LEMD1: variants seen among roughly 807,000 people sequenced by gnomAD.
LEMD1 encodes the protein LEM domain containing 1.
A neutral mutation model predicts 17.4 loss-of-function variants in LEMD1; 18 were observed. The observed-to-expected ratio is 1.04, with a 90% CI of 0.72 to 1.54. The LOEUF is 1.54. LEMD1 is among the 40% of genes most tolerant of loss of function. The pLI is 0.00. For missense variants in LEMD1, 195 were observed against 210.4 expected (o/e 0.93, Z 0.45); for synonymous variants, 88 against 77.8 (o/e 1.13, Z -0.69).
intron 1 of LEMD1, chr1:205,436,280 TG>T (rs1666203089): frequency 6.6e-6 from 1 of 152,260 alleles, no homozygotes; most frequent in African/African-American, 2.4e-5. Flanking sequence ...TGGGAGCTCT[TG>T]GCTTTGGCAA....
chr1:205,430,271 C>A (rs1204297573), intron 1 of LEMD1, among the ~76,000 whole-genome samples: 1 of 152,192 alleles, frequency 6.6e-6, no homozygotes, highest in Non-Finnish European at 1.5e-5. Flanking sequence ...CCGTAGAAGC[C>A]CCCAGCTCCT....
chr1:205,390,520 G>A (rs570881851), intron 4 of LEMD1, among the ~76,000 whole-genome samples: 82 of 152,186 alleles, frequency 5.4e-4, no homozygotes, highest in African/African-American at 1.8e-3. Context: ...CACTGTCATC[G>A]CTCTACTTCA....
chr1:205,412,002 G>T (rs908179940), intron 4 of LEMD1, among the ~76,000 whole-genome samples: 1 of 152,130 alleles, frequency 6.6e-6, no homozygotes, highest in Non-Finnish European at 1.5e-5. Context: ...CCTTGGAACC[G>T]CTCCCAAACC....
intron 4 of LEMD1, among the ~76,000 whole-genome samples, chr1:205,414,337 C>T (rs1408527270): frequency 6.6e-6 from 1 of 151,376 alleles, no homozygotes; most frequent in African/African-American, 2.4e-5. Context: ...AATCCCAGTG[C>T]TTTGAGAGGC....
intron 1 of LEMD1, among the ~76,000 whole-genome samples, chr1:205,447,190 T>C (rs1666406656): frequency 6.6e-6 from 1 of 152,220 alleles, no homozygotes; most frequent in African/African-American, 2.4e-5. Flanking sequence ...GTTGTGCTCC[T>C]TCCTATCCAT....
chr1:205,404,021 T>G (rs1664975074), intron 4 of LEMD1, among the ~76,000 whole-genome samples: 1 of 152,176 alleles, frequency 6.6e-6, no homozygotes, highest in Non-Finnish European at 1.5e-5. Flanking sequence ...TTTGAGTGGG[T>G]TTCTTAATCC....
chr1:205,419,268 C>G lies in LEMD1; in HGVS notation c.167G>C (p.Arg56Thr). ...ACTGTCCTGCGCTCCATCCAGCTCTCTGGGTCCATTCATCACAGGTGGTGC... is the reference window on the plus strand; with the variant it reads ...ACTGTCCTGCGCTCCATCCAGCTCTGTGGGTCCATTCATCACAGGTGGTGC... ...PCAPPVMNGP[R>T]ELDGAQDSDD... Residue 56 changes from arginine (R) to threonine (T), a missense_variant, in exon 3 of 6, where the codon AGA becomes ACA. By Grantham distance (71) the Arg-to-Thr change is moderately conservative (BLOSUM62 -1). Transcript: ENST00000367153. 1 of 1,614,232 alleles carries G rather than the reference C, an allele frequency of 6.2e-7. No homozygotes were observed. The highest frequency in any genetic ancestry group is 1.1e-5 in the South Asian group (1 of 91,084).
At chr1:205,407,322 C>T (rs6675180) in intron 4 of LEMD1, among the ~76,000 whole-genome samples, 40,321 of 139,550 alleles carry the variant, frequency 0.29, 6,042 homozygotes, top group African/African-American at 0.35. Flanking sequence ...ACAGAAAGAC[C>T]CCATCTCAAA....
In LEMD1 at chr1:205,448,988, G is replaced by A. The variant is rs181571238; in HGVS notation, c.-39+880C>T. 5.5e-4 allele frequency among the ~76,000 whole-genome samples: 83 copies of A among 152,192 alleles called. No individual in the cohort carries two copies. Among genetic ancestry groups the A allele is most frequent in the African/African-American group, 1.7e-3 (71 of 41,518 alleles). On this transcript the variant is annotated intron_variant, in intron 1 of 3. Transcript: ENST00000367154. The surrounding 1 kb of genome is among the most constrained non-coding windows in gnomAD (Gnocchi z 4.7). The stretch of plus-strand genomic sequence containing the variant: ...ACCCAGACCAGTCTGGGTGGTTACC[G>A]ACAACACCCATTCTTGCATAGTTTA...
intron 4 of LEMD1, among the ~76,000 whole-genome samples, chr1:205,393,265 T>C (rs1270376554): frequency 6.6e-6 from 1 of 152,070 alleles, no homozygotes; most frequent in Non-Finnish European, 1.5e-5. Flanking sequence ...TATAATAAGA[T>C]AATGACCTAT....
intron 2 of LEMD1, among the ~76,000 whole-genome samples, chr1:205,419,870 T>C (rs751065939): frequency 3.3e-5 from 5 of 152,228 alleles, no homozygotes; most frequent in African/African-American, 7.2e-5. Flanking sequence ...GAGTCAGGCA[T>C]TGGACACATC....
intron 4 of LEMD1, among the ~76,000 whole-genome samples, chr1:205,411,679 G>GA (rs767453949): frequency 7.8e-6 from 1 of 128,552 alleles, no homozygotes; most frequent in East Asian, 2.4e-4. Flanking sequence ...AGAAAAGAAA[G>GA]AAAGAAAGAA....
intron 3 of LEMD1, 71 bp downstream of exon 3, chr1:205,419,159 G>C: frequency 6.4e-7 from 1 of 1,558,670 alleles, no homozygotes; most frequent in Non-Finnish European, 8.8e-7. Flanking sequence ...ATTTAAAGCT[G>C]CATAAATCAT....
intron 4 of LEMD1, among the ~76,000 whole-genome samples, chr1:205,399,916 C>A (rs1256004126): frequency 6.6e-6 from 1 of 152,192 alleles, no homozygotes; most frequent in East Asian, 1.9e-4. Context: ...AATAGGCCAT[C>A]ACCACAGTGG....
chr1:205,420,057 C>T (rs1420888450), intron 2 of LEMD1, among the ~76,000 whole-genome samples: 1 of 152,184 alleles, frequency 6.6e-6, no homozygotes, highest in African/African-American at 2.4e-5. Flanking sequence ...GTGACTCACG[C>T]CTGTAATTCC....
intron 4 of LEMD1, among the ~76,000 whole-genome samples, chr1:205,411,405 T>A (rs887015268): frequency 1.3e-5 from 2 of 151,160 alleles, no homozygotes; most frequent in Non-Finnish European, 3.0e-5. Context: ...AATACAAAAA[T>A]TTAGCCGGGC....
chr1:205,411,121 AG>A (rs1665380174), intron 4 of LEMD1, among the ~76,000 whole-genome samples: 2 of 147,394 alleles, frequency 1.4e-5, no homozygotes, highest in African/African-American at 5.0e-5. Flanking sequence ...GGAAGGAGGG[AG>A]GGAGGGAAAG....
chr1:205,390,511 A>G (rs947195183), intron 4 of LEMD1, among the ~76,000 whole-genome samples: 9 of 152,214 alleles, frequency 5.9e-5, no homozygotes, highest in Admixed American at 1.3e-4. Flanking sequence ...AAGAATGTCC[A>G]CTGTCATCGC....
chr1:205,425,964 A>G (rs1666050188), upstream of LEMD1, among the ~76,000 whole-genome samples: 1 of 152,182 alleles, frequency 6.6e-6, no homozygotes, highest in South Asian at 2.1e-4. Context: ...TTTCCTCTGC[A>G]GTGCCTGGAG....
Sources: gnomAD v4.1 joint callset for allele counts (sites outside exome capture counted in the v4.1 genomes callset) on GRCh38, gnomAD v4.1.1 for gene constraint, Gnocchi (gnomAD v3.1) non-coding constraint, MANE v1.5 for transcripts, NCBI Gene and HGNC (gene_info 2026-07-23, HGNC 2026-07-21) for gene names.